Variants in KIRREL3 observed in about 807,000 individuals in gnomAD.
KIRREL3 encodes the protein kirre like nephrin family adhesion molecule 3, also known as kin of IRRE-like protein 3.
A neutral mutation model predicts 89.7 loss-of-function variants in KIRREL3; 36 were observed. The ratio of observed to expected loss-of-function variants is 0.40; its 90% CI spans 0.31 to 0.53. The LOEUF (loss-of-function observed/expected upper bound fraction) is 0.53, where lower values mean the gene tolerates loss of function less well. KIRREL3 is among the 20% of genes least tolerant of loss of function. The pLI, the probability that KIRREL3 is intolerant of heterozygous loss-of-function variation, is 0.49. For synonymous variants in KIRREL3, 445 were observed against 441.4 expected (o/e 1.01, Z -0.10); for missense variants, 864 against 1,056.6 (o/e 0.82, Z 2.53).
rs1238639315 is a variant in KIRREL3 at position 126,991,365 on chromosome 11, G to T, written c.55+9090C>A. ...TCCAATATTTCCACACTTATTCACA[G>T]CCTTCTATGTGCCCAATAGTGTGCT... is the stretch of plus-strand genomic sequence containing the variant. On this transcript the variant is annotated intron_variant, in intron 1 of 16. Transcript: ENST00000525144. The surrounding 1 kb of genome is among the most constrained non-coding windows in gnomAD (Gnocchi z 5.8). Among the ~76,000 whole-genome samples the T allele has an allele frequency of 6.6e-6, 1 of 152,048 alleles. No individual in the cohort carries two copies. Among genetic ancestry groups the T allele is most frequent in the Non-Finnish European group, 1.5e-5 (1 of 68,030 alleles).
rs1958707234 is a variant in KIRREL3 at position 126,525,080 on chromosome 11, C to T, written c.283+1458G>A. Among the ~76,000 whole-genome samples the T allele has an allele frequency of 6.6e-6, 1 of 152,110 alleles. No homozygotes were observed. The highest frequency in any genetic ancestry group is 2.4e-5 in the African/African-American group (1 of 41,430). ...GGTACCAGTCCTGGATCCCAGAAAG[C>T]CATTCATGGCACTGGATGCTAGAGG... On this transcript the variant is annotated intron_variant, in intron 3 of 16. Coordinates refer to ENST00000525144, the MANE Select transcript of KIRREL3 (RefSeq NM_032531.4). The surrounding 1 kb of genome is among the most constrained non-coding windows in gnomAD (Gnocchi z 5.4).
In KIRREL3 at chr11:126,558,191, C is replaced by A. The variant is rs147767016; in HGVS notation, c.133+4644G>T. Among the ~76,000 whole-genome samples, 27 of 152,270 alleles carry A rather than the reference C, an allele frequency of 1.8e-4. No individual in the cohort carries two copies. In the East Asian group the frequency reaches 4.6e-3, roughly 26 times the overall value. Reference sequence around the variant, plus strand: ...AGGGGAGGTCAAAACTTCGGTGCCTCTGCTTCTTCCCTCCTTTAAATATCC... The same window carrying A: ...AGGGGAGGTCAAAACTTCGGTGCCTATGCTTCTTCCCTCCTTTAAATATCC... On this transcript the variant is annotated intron_variant, in intron 2 of 16. Transcript: ENST00000525144. This position sits in a 1 kb window ranked among gnomAD's most constrained non-coding sequence, Gnocchi z 4.0.
rs976030509 is a variant in KIRREL3 at position 126,531,810 on chromosome 11, A to C, written c.134-5123T>G. Among the ~76,000 whole-genome samples, 1 of 152,210 alleles carries C rather than the reference A, an allele frequency of 6.6e-6. No individual in the cohort carries two copies. The highest frequency in any genetic ancestry group is 1.5e-5 in the Non-Finnish European group (1 of 68,036). ...CTTCTTGAGGGCAGGGGCCACAGCTATCTTTTCTGTCTTGTGTTCCCAGCT... is the reference window on the plus strand; with the variant it reads ...CTTCTTGAGGGCAGGGGCCACAGCTCTCTTTTCTGTCTTGTGTTCCCAGCT... On this transcript the variant is annotated intron_variant, in intron 2 of 16. Transcript: ENST00000525144. The surrounding 1 kb of genome is among the most constrained non-coding windows in gnomAD (Gnocchi z 4.7).
At chr11:126,824,129 G>A (rs568376648) in intron 1 of KIRREL3, among the ~76,000 whole-genome samples, 5 of 152,190 alleles carry the variant, frequency 3.3e-5, no homozygotes, top group Admixed American at 2.6e-4. Flanking sequence ...AGCGTGGCTC[G>A]CCCATGGGGA....
chr11:127,000,636 G>T lies in KIRREL3; in HGVS notation c.-127C>A. 1.1e-6 allele frequency: 1 copy of T among 876,742 alleles called. No homozygotes were observed. Among genetic ancestry groups the T allele is most frequent in the Non-Finnish European group, 1.8e-6 (1 of 566,630 alleles). The allele number at this position is 876,742 out of a possible 1,614,324, so 54.3% of individuals were successfully genotyped here. On this transcript the variant is annotated 5_prime_UTR_variant, in exon 1 of 17. Transcript: ENST00000525144. The surrounding 1 kb of genome is among the most constrained non-coding windows in gnomAD (Gnocchi z 7.1). The stretch of plus-strand genomic sequence containing the variant: ...TCGCGCCTACCATCTGTCCGTCCGT[G>T]GGTCCCTCCGGGTGGCTTCGGTCTC...
chr11:126,913,943 C>A (rs1178680255), intron 1 of KIRREL3, among the ~76,000 whole-genome samples: 1 of 152,202 alleles, frequency 6.6e-6, no homozygotes, highest in Non-Finnish European at 1.5e-5. Flanking sequence ...AACAATAGGT[C>A]ACCCTTTCCA....
In KIRREL3 at chr11:126,812,890, C is replaced by A. The variant is rs1019100337; in HGVS notation, c.55+187565G>T. On this transcript the variant is annotated intron_variant, in intron 1 of 16. Transcript: ENST00000525144. The surrounding 1 kb of genome is among the most constrained non-coding windows in gnomAD (Gnocchi z 5.2). ...AAGTGGCCTACGGGAATCTGCGCAC[C>A]TCTGCTGTGACCGGGAAGCTGGGCT... Among the ~76,000 whole-genome samples, 1 of 152,300 alleles carries A rather than the reference C, an allele frequency of 6.6e-6. No individual in the cohort carries two copies. The highest frequency in any genetic ancestry group is 2.1e-4 in the South Asian group (1 of 4,826).
At chr11:126,820,646 A>AT (rs1943180389) in intron 1 of KIRREL3, among the ~76,000 whole-genome samples, 1 of 152,010 alleles carries the variant, frequency 6.6e-6, no homozygotes, top group South Asian at 2.1e-4. Flanking sequence ...GGAAGGATGG[A>AT]TGGGAGGGTC....
chr11:126,745,385 A>C (rs572168145), intron 1 of KIRREL3, among the ~76,000 whole-genome samples: 1 of 152,220 alleles, frequency 6.6e-6, no homozygotes, highest in Non-Finnish European at 1.5e-5. Context: ...AACATCTGAA[A>C]AAAAAAGACA....
At position 126,648,607 on chromosome 11, in the gene KIRREL3, C is replaced by T. The variant is rs376016401; in HGVS notation, c.56-85695G>A. 8.5e-5 allele frequency among the ~76,000 whole-genome samples: 13 copies of T among 152,320 alleles called. No homozygotes were observed. In the East Asian group the frequency reaches 1.2e-3, roughly 14 times the overall value. On this transcript the variant is annotated intron_variant, in intron 1 of 16. Coordinates refer to ENST00000525144, the MANE Select transcript of KIRREL3 (RefSeq NM_032531.4). ...CATGTCTCCTCCACTAGAATGTCAG[C>T]CCCATGAAGTCTTAGCTATTTGTTT...
rs1328937640 is a variant in KIRREL3, at chr11:126,802,236, C to T, written c.55+198219G>A. ...CCCTACCTCACCTGGAGAAGTTAAC[C>T]AAAGAGGAGTAAGAGATCCTCCAGG... On this transcript the variant is annotated intron_variant, in intron 1 of 16. Transcript: ENST00000525144. This position sits in a 1 kb window ranked among gnomAD's most constrained non-coding sequence, Gnocchi z 5.2. Among the ~76,000 whole-genome samples the T allele has an allele frequency of 2.0e-5, 3 of 151,924 alleles. No homozygotes were observed. Among genetic ancestry groups the T allele is most frequent in the African/African-American group, 7.3e-5 (3 of 41,352 alleles).
chr11:126,654,335 A>C (rs1945034997), intron 1 of KIRREL3, among the ~76,000 whole-genome samples: 1 of 129,372 alleles, frequency 7.7e-6, no homozygotes, highest in Non-Finnish European at 1.7e-5. Flanking sequence ...CCTAAACTGA[A>C]AGTTTTTTTT....
At chr11:126,458,397 A>C (rs1956442325) in intron 6 of KIRREL3, among the ~76,000 whole-genome samples, 1 of 149,484 alleles carries the variant, frequency 6.7e-6, no homozygotes, top group Admixed American at 6.7e-5. Context: ...TGGGGTCCTG[A>C]GACCCTCAGA....
rs1309567158 is a variant in KIRREL3 at position 126,565,891 on chromosome 11, G to C, written c.56-2979C>G. ...GACTCTACCAAGCCAAACTAACTAG[G>C]TTATTAGGAGAGAGATGATAGAACA... On this transcript the variant is annotated intron_variant, in intron 1 of 16. Coordinates refer to ENST00000525144, the MANE Select transcript of KIRREL3 (RefSeq NM_032531.4). This position sits in a 1 kb window ranked among gnomAD's most constrained non-coding sequence, Gnocchi z 5.4. Among the ~76,000 whole-genome samples, 1 of 152,038 alleles carries C rather than the reference G, an allele frequency of 6.6e-6. No homozygotes were observed. The highest frequency in any genetic ancestry group is 1.5e-5 in the Non-Finnish European group (1 of 68,010).
At chr11:126,825,675 C>T (rs934303991) in intron 1 of KIRREL3, among the ~76,000 whole-genome samples, 2 of 152,142 alleles carry the variant, frequency 1.3e-5, no homozygotes, top group Non-Finnish European at 2.9e-5. Flanking sequence ...AAATAAAATG[C>T]GATCTTTTTC....
At chr11:126,873,411 A>G (rs1426259137) in intron 1 of KIRREL3, among the ~76,000 whole-genome samples, 1 of 152,192 alleles carries the variant, frequency 6.6e-6, no homozygotes, top group Non-Finnish European at 1.5e-5. Flanking sequence ...TAGATCAAGC[A>G]AACAGATTGG....
At chr11:126,749,644 TA>T (rs5795519) in intron 1 of KIRREL3, among the ~76,000 whole-genome samples, 57,576 of 148,500 alleles carry the variant, frequency 0.39, 12,212 homozygotes, top group East Asian at 0.84. Context: ...AAGTCCCTCT[TA>T]AAAAAAAAAA....
rs1020439613 is a variant in KIRREL3, at chr11:126,564,073, G to C, written c.56-1161C>G. On this transcript the variant is annotated intron_variant, in intron 1 of 16. Coordinates refer to ENST00000525144, the MANE Select transcript of KIRREL3 (RefSeq NM_032531.4). This position sits in a 1 kb window ranked among gnomAD's most constrained non-coding sequence, Gnocchi z 7.4. Reference sequence around the variant, plus strand: ...GATAAGGAATTTGATTTCTGGAAGAGGGAATATGACTGCAGCTCTTCCTGG... The same window carrying C: ...GATAAGGAATTTGATTTCTGGAAGACGGAATATGACTGCAGCTCTTCCTGG... Among the ~76,000 whole-genome samples the C allele has an allele frequency of 1.1e-4, 17 of 152,242 alleles. No individual in the cohort carries two copies. The highest frequency in any genetic ancestry group is 2.4e-4 in the Non-Finnish European group (16 of 68,036).
chr11:126,567,258 G>A (rs1376255323), intron 1 of KIRREL3, among the ~76,000 whole-genome samples: 1 of 152,160 alleles, frequency 6.6e-6, no homozygotes, highest in Non-Finnish European at 1.5e-5. Flanking sequence ...TCCTGTGACT[G>A]GTGTCCTTAT....
Sources: gnomAD v4.1 joint callset for allele counts (sites outside exome capture counted in the v4.1 genomes callset) on GRCh38, gnomAD v4.1.1 for gene constraint, Gnocchi (gnomAD v3.1) non-coding constraint, MANE v1.5 for transcripts, NCBI Gene and HGNC (gene_info 2026-07-23, HGNC 2026-07-21) for gene names.